Variants in PTPRT observed in about 807,000 individuals in gnomAD.
The protein encoded by PTPRT is receptor-type tyrosine-protein phosphatase T.
A neutral mutation model predicts 176.8 loss-of-function variants in PTPRT; 56 were observed. The observed-to-expected ratio is 0.32, with a 90% CI of 0.26 to 0.40. PTPRT has a LOEUF of 0.40. Among genes scored for constraint, PTPRT ranks in the 10% least tolerant of loss-of-function variants. The probability of loss-of-function intolerance (pLI) is 1.00; values close to 1 mark genes in which losing one functional copy is unlikely to be tolerated. For synonymous variants in PTPRT, 783 were observed against 739.0 expected, an observed-to-expected ratio of 1.06 and a Z score of -0.96; for missense variants, 1,540 against 1,908.2, an observed-to-expected ratio of 0.81 and a Z score of 3.60.
At chr20:43,084,531 C>A (rs752103692) in intron 1 of PTPRT, among the ~76,000 whole-genome samples, 1 of 152,102 alleles carries the variant, frequency 6.6e-6, no homozygotes, top group Non-Finnish European at 1.5e-5. Flanking sequence ...TGGGGGAAAC[C>A]GCCCCCATGA....
chr20:42,858,671 T>A (rs1177864917), intron 2 of PTPRT, among the ~76,000 whole-genome samples: 3 of 152,198 alleles, frequency 2.0e-5, no homozygotes, highest in African/African-American at 7.2e-5. Context: ...GATCTTCAAC[T>A]TCCCAGCCTC....
intron 1 of PTPRT, among the ~76,000 whole-genome samples, chr20:42,994,038 A>C (rs929276731): frequency 2.6e-5 from 4 of 152,118 alleles, no homozygotes; most frequent in Non-Finnish European, 4.4e-5. Context: ...GAATAGTAGA[A>C]AACTTTTGGG....
Position 42,678,230 on chromosome 20 carries a change from G to A in PTPRT, c.860-71C>T, listed in dbSNP as rs3092620. ...ACAGAGCAGACTACAAGCACATGAC[G>A]ACAAGGGACAGAATTCTTGATGTAG... On this transcript the variant is annotated intron_variant, in intron 6 of 30. Transcript: ENST00000373187. 4.9e-3 allele frequency: 6,958 copies of A among 1,426,100 alleles called. 295 individuals carry two copies. The African/African-American group carries it at 0.087, about 18-fold the overall frequency. 88.3% of individuals were successfully genotyped at this position (1,426,100 alleles called of 1,614,324 possible).
chr20:42,656,686 T>G (rs2075130732), intron 7 of PTPRT, among the ~76,000 whole-genome samples: 1 of 152,196 alleles, frequency 6.6e-6, no homozygotes, highest in Non-Finnish European at 1.5e-5. Flanking sequence ...ATTACATATG[T>G]GCACATATAT....
chr20:43,170,289 A>T (rs1019218983), intron 1 of PTPRT, among the ~76,000 whole-genome samples: 1 of 152,182 alleles, frequency 6.6e-6, no homozygotes, highest in Non-Finnish European at 1.5e-5. Context: ...GCTCACAACC[A>T]TCTAATGAGA....
intron 1 of PTPRT, among the ~76,000 whole-genome samples, chr20:43,040,503 C>T (rs1260300260): frequency 3.3e-5 from 5 of 152,202 alleles, no homozygotes; most frequent in East Asian, 1.9e-4. Context: ...AGCTGCTTGG[C>T]ATATGCCAGA....
At chr20:42,598,986 C>T (rs994519538) in intron 7 of PTPRT, among the ~76,000 whole-genome samples, 2 of 152,134 alleles carry the variant, frequency 1.3e-5, no homozygotes, top group African/African-American at 4.8e-5. Context: ...AGTGTTCCAA[C>T]AATCATCTTA....
chr20:42,183,542 C>T (rs188352849), intron 16 of PTPRT, among the ~76,000 whole-genome samples: 98 of 152,310 alleles, frequency 6.4e-4, no homozygotes, highest in African/African-American at 2.0e-3. Context: ...AGAATTATCA[C>T]GCTAATCCAA....
intron 2 of PTPRT, among the ~76,000 whole-genome samples, chr20:42,804,318 C>A (rs2077573416): frequency 6.6e-6 from 1 of 152,142 alleles, no homozygotes; most frequent in Non-Finnish European, 1.5e-5. Context: ...CCAAAATGCA[C>A]TTTGGACTAT....
chr20:42,403,260 T>C (rs1302974864), intron 9 of PTPRT, among the ~76,000 whole-genome samples: 1 of 152,214 alleles, frequency 6.6e-6, no homozygotes, highest in Non-Finnish European at 1.5e-5. Flanking sequence ...ACTCTAATAT[T>C]CCATGGTATG....
intron 1 of PTPRT, among the ~76,000 whole-genome samples, chr20:43,090,856 T>C (rs1205859985): frequency 2.0e-5 from 3 of 151,798 alleles, no homozygotes. Context: ...CAAAAATATA[T>C]ATATACTTCA....
intron 2 of PTPRT, among the ~76,000 whole-genome samples, chr20:42,813,856 T>C (rs973228222): frequency 6.6e-6 from 1 of 152,180 alleles, no homozygotes; most frequent in Non-Finnish European, 1.5e-5. Context: ...ACTTTTCTGA[T>C]GAGAAGGTAG....
the PTPRT span, among the ~76,000 whole-genome samples, chr20:42,037,369 C>A: frequency 6.6e-6 from 1 of 152,294 alleles, no homozygotes; most frequent in South Asian, 2.1e-4. Flanking sequence ...GAACAGTGAG[C>A]TCAGAGCCAA....
chr20:42,255,117 C>G (rs2056615874), intron 13 of PTPRT, among the ~76,000 whole-genome samples: 1 of 152,124 alleles, frequency 6.6e-6, no homozygotes. Flanking sequence ...GACGACAAGA[C>G]TTCTTATGCC....
chr20:42,507,635 G>A lies in PTPRT; in HGVS notation c.1154-35073C>T, dbSNP rs114529614. On this transcript the variant is annotated intron_variant, in intron 7 of 30. Coordinates refer to ENST00000373187, the MANE Select transcript of PTPRT (RefSeq NM_007050.6). Reference sequence around the variant, plus strand: ...ATGTACAGCACAATGCTTGGCCAGCGGTTGAGTCTTAACAAATATTAGTTC... The same window carrying A: ...ATGTACAGCACAATGCTTGGCCAGCAGTTGAGTCTTAACAAATATTAGTTC... Among the ~76,000 whole-genome samples, 952 of 152,170 alleles carry A rather than the reference G, an allele frequency of 6.3e-3. 12 individuals are homozygous for A. The highest frequency in any genetic ancestry group is 0.022 in the African/African-American group (911 of 41,528).
chr20:42,136,690 C>T (rs958935763), intron 18 of PTPRT, among the ~76,000 whole-genome samples: 3 of 152,068 alleles, frequency 2.0e-5, no homozygotes, highest in Non-Finnish European at 2.9e-5. Context: ...CACTGAGGGG[C>T]CTTTCTGAAG....
intron 15 of PTPRT, among the ~76,000 whole-genome samples, chr20:42,216,048 A>G (rs1288636533): frequency 6.6e-6 from 1 of 152,222 alleles, no homozygotes; most frequent in East Asian, 1.9e-4. Context: ...GCTTCCAAGC[A>G]GCGTCTCCTG....
At chr20:42,517,311 G>T (rs191213213) in intron 7 of PTPRT, among the ~76,000 whole-genome samples, 19 of 151,902 alleles carry the variant, frequency 1.3e-4, no homozygotes, top group African/African-American at 4.6e-4. Context: ...TTAGCATAGA[G>T]ATTATAATAT....
chr20:42,727,106 C>T (rs1053900312), intron 6 of PTPRT, among the ~76,000 whole-genome samples: 1 of 152,114 alleles, frequency 6.6e-6, no homozygotes, highest in Non-Finnish European at 1.5e-5. Context: ...TGAAGACTGC[C>T]CTGCTGCTGA....
Sources: allele counts gnomAD v4.1 joint callset (sites outside exome capture counted in the v4.1 genomes callset), GRCh38; gene constraint gnomAD v4.1.1; transcripts MANE v1.5; gene names NCBI Gene and HGNC (gene_info 2026-07-23, HGNC 2026-07-21).